Variants in BRINP3 observed in about 807,000 individuals in gnomAD.
BRINP3 encodes BMP/retinoic acid-inducible neural-specific protein 3.
Under a neutral mutation model 71.0 loss-of-function variants are expected in BRINP3, and 19 were observed. The observed-to-expected ratio is 0.27, with a 90% CI of 0.19 to 0.39. BRINP3 has a LOEUF of 0.39. Among genes scored for constraint, BRINP3 ranks in the 10% least tolerant of loss-of-function variants. BRINP3 has a pLI of 1.00. For missense variants in BRINP3, 959 were observed against 940.8 expected (o/e 1.02, Z -0.25); for synonymous variants, 380 against 337.7 (o/e 1.13, Z -1.37).
chr1:190,218,450 T>C (rs1342708060), intron 6 of BRINP3, among the ~76,000 whole-genome samples: 1 of 152,098 alleles, frequency 6.6e-6, no homozygotes, highest in African/African-American at 2.4e-5. Context: ...TTTATTGTAA[T>C]TTGAAGAATT....
At chr1:190,220,039 T>C (rs1269126670) in intron 6 of BRINP3, among the ~76,000 whole-genome samples, 1 of 151,900 alleles carries the variant, frequency 6.6e-6, no homozygotes, top group Non-Finnish European at 1.5e-5. Flanking sequence ...GTGGAAATTT[T>C]AGTCAAATAA....
intron 1 of BRINP3, among the ~76,000 whole-genome samples, chr1:190,465,005 A>T (rs1005522584): frequency 7.9e-5 from 12 of 151,978 alleles, no homozygotes; most frequent in African/African-American, 9.7e-5. Context: ...AACAAAGAGG[A>T]AGTTAAATGC....
At chr1:190,295,521 T>C (rs941325253) in intron 2 of BRINP3, among the ~76,000 whole-genome samples, 2 of 152,122 alleles carry the variant, frequency 1.3e-5, no homozygotes, top group Non-Finnish European at 2.9e-5. Context: ...CCATGGTCAC[T>C]ACAGCCTGCT....
Position 190,444,712 on chromosome 1 carries a change from T to C in BRINP3, c.236+9943A>G, listed in dbSNP as rs1571329030. On this transcript the variant is annotated intron_variant, in intron 2 of 7. Transcript: ENST00000367462. ...CAGTATGCTCAGCTGATTTATCTAT[T>C]TGTAGCAGAGACGGGGTTTCACCAT... 3.9e-5 allele frequency among the ~76,000 whole-genome samples: 6 copies of C among 152,120 alleles called. 1 individual carries two copies. In the South Asian group the frequency reaches 1.2e-3, roughly 32 times the overall value.
intron 1 of BRINP3, among the ~76,000 whole-genome samples, chr1:190,459,964 C>T (rs1410383431): frequency 6.6e-6 from 1 of 151,822 alleles, no homozygotes; most frequent in Non-Finnish European, 1.5e-5. Flanking sequence ...CTCTCTCCCT[C>T]TCATAAATTT....
intron 2 of BRINP3, among the ~76,000 whole-genome samples, chr1:190,420,119 A>G (rs1673276257): frequency 6.6e-6 from 1 of 152,042 alleles, no homozygotes. Flanking sequence ...CTATTCAAGA[A>G]GGAGCGTGTA....
intron 1 of BRINP3, 54 bp from the exon 2 acceptor site, chr1:190,454,994 G>C (rs1675892462): frequency 2.4e-6 from 2 of 833,688 alleles, no homozygotes. Context: ...CTTTCTCTCA[G>C]TTAAGGTGTT....
intron 2 of BRINP3, among the ~76,000 whole-genome samples, chr1:190,310,784 C>G (rs1484157849): frequency 6.6e-6 from 1 of 151,692 alleles, no homozygotes; most frequent in Non-Finnish European, 1.5e-5. Flanking sequence ...AATTGCTCAT[C>G]TTTCAAAATC....
chr1:190,277,464 A>C (rs1204336503), intron 3 of BRINP3, among the ~76,000 whole-genome samples: 1 of 151,536 alleles, frequency 6.6e-6, no homozygotes, highest in Admixed American at 6.6e-5. Context: ...CACATTTAAA[A>C]TTTCTATAAA....
intron 6 of BRINP3, among the ~76,000 whole-genome samples, chr1:190,215,139 C>T (rs548218446): frequency 2.7e-4 from 41 of 149,872 alleles, no homozygotes; most frequent in African/African-American, 9.8e-4. Flanking sequence ...CCCCCAAATA[C>T]CCCTAGGAAA....
intron 1 of BRINP3, among the ~76,000 whole-genome samples, chr1:190,460,741 C>T (rs1676335918): frequency 6.6e-6 from 1 of 152,152 alleles, no homozygotes; most frequent in African/African-American, 2.4e-5. Flanking sequence ...TAAACGTTCT[C>T]CAAACTTTTT....
intron 2 of BRINP3, among the ~76,000 whole-genome samples, chr1:190,420,332 T>C (rs948519765): frequency 6.6e-6 from 1 of 151,964 alleles, no homozygotes; most frequent in Non-Finnish European, 1.5e-5. Flanking sequence ...AAGTTGTAGA[T>C]TGTCAGAGCT....
At chr1:190,105,668 G>A (rs889256055) in intron 7 of BRINP3, among the ~76,000 whole-genome samples, 13 of 151,926 alleles carry the variant, frequency 8.6e-5, no homozygotes, top group Admixed American at 3.9e-4. Flanking sequence ...GCTTCTTATC[G>A]TCATGAACTG....
chr1:190,194,876 T>C (rs768134242), intron 6 of BRINP3, among the ~76,000 whole-genome samples: 1 of 152,074 alleles, frequency 6.6e-6, no homozygotes, highest in Non-Finnish European at 1.5e-5. Context: ...CTGGAAGATA[T>C]GATAAGCAAG....
chr1:190,129,773 C>G (rs1214501000), intron 7 of BRINP3, among the ~76,000 whole-genome samples: 3 of 151,858 alleles, frequency 2.0e-5, no homozygotes, highest in Non-Finnish European at 1.5e-5. Flanking sequence ...TAATGATTAA[C>G]ACAGAATGCT....
At chr1:190,461,641 G>GT (rs1403065682) in intron 1 of BRINP3, among the ~76,000 whole-genome samples, 1 of 152,144 alleles carries the variant, frequency 6.6e-6, no homozygotes, top group African/African-American at 2.4e-5. Context: ...ATGAATAAAT[G>GT]TTGATGAAAT....
At chr1:190,296,844 C>A (rs562975032) in intron 2 of BRINP3, among the ~76,000 whole-genome samples, 1 of 151,782 alleles carries the variant, frequency 6.6e-6, no homozygotes. Context: ...GTAAATTTAA[C>A]CAAATAAGTA....
chr1:190,284,742 T>C (rs114278502), intron 2 of BRINP3, among the ~76,000 whole-genome samples: 1,587 of 152,150 alleles, frequency 0.01, 24 homozygotes, highest in African/African-American at 0.035. Flanking sequence ...ACCCCATCTA[T>C]TAATCTATTA....
chr1:190,255,237 T>TG lies in BRINP3; in HGVS notation c.618+9627_618+9628insC, dbSNP rs1491150575. 4.9e-3 allele frequency among the ~76,000 whole-genome samples: 486 copies of TG among 98,500 alleles called. 3 individuals carry two copies. The highest frequency in any genetic ancestry group is 0.023 in the African/African-American group (449 of 19,810). 64.6% of individuals were successfully genotyped at this position (98,500 alleles called of 152,430 possible). A position where few individuals can be genotyped will look rare whatever the true frequency, so the allele number is the denominator to read the frequency against. On this transcript the variant is annotated intron_variant, in intron 4 of 7. Coordinates refer to ENST00000367462, the MANE Select transcript of BRINP3 (RefSeq NM_199051.3). ...AGGGATATTGGTCTAAAATTCTCTC[T>TG]TTTTTTTTTTTTTTGTTGTGTCTCT... is the stretch of plus-strand genomic sequence containing the variant.
Sources: gnomAD v4.1 joint callset for allele counts (sites outside exome capture counted in the v4.1 genomes callset) on GRCh38, gnomAD v4.1.1 for gene constraint, MANE v1.5 for transcripts, NCBI Gene and HGNC (gene_info 2026-07-23, HGNC 2026-07-21) for gene names.